NECAB1: variants seen among roughly 807,000 people sequenced by gnomAD.
The protein encoded by NECAB1 is N-terminal EF-hand calcium-binding protein 1.
NECAB1 carries 29 observed loss-of-function variants against 57.5 expected under a neutral mutation model. The observed-to-expected ratio is 0.50, with a 90% CI of 0.38 to 0.69. The LOEUF (loss-of-function observed/expected upper bound fraction) is 0.69. Ranked by LOEUF, NECAB1 falls within the 30% of genes least tolerant of loss-of-function variation. NECAB1 has a pLI of 0.00. For synonymous variants in NECAB1, 142 were observed against 147.7 expected, an observed-to-expected ratio of 0.96 and a Z score of 0.28; for missense variants, 372 against 413.8, an observed-to-expected ratio of 0.90 and a Z score of 0.88.
intron 5 of NECAB1, among the ~76,000 whole-genome samples, chr8:90,907,143 TGTGTGTGTGAGAGAGA>T (rs1437866454): frequency 9.4e-5 from 10 of 106,626 alleles, no homozygotes; most frequent in African/African-American, 3.1e-4. Context: ...TGTGTGTGTG[TGTGTGTGTGAGAGAGA>T]GAGAGAGAGA....
chr8:90,807,496 G>A (rs929378929), intron 2 of NECAB1, among the ~76,000 whole-genome samples: 6 of 152,150 alleles, frequency 3.9e-5, no homozygotes, highest in African/African-American at 9.7e-5. Flanking sequence ...CTGTGATTCT[G>A]TCTTTCGCAC....
chr8:90,864,230 G>C (rs1808462697), intron 3 of NECAB1, among the ~76,000 whole-genome samples: 1 of 149,762 alleles, frequency 6.7e-6, no homozygotes, highest in African/African-American at 2.5e-5. Context: ...TGAGACTCTG[G>C]AAGAGTTTCA....
chr8:90,887,389 T>C (rs1191159930), intron 5 of NECAB1, among the ~76,000 whole-genome samples: 1 of 152,244 alleles, frequency 6.6e-6, no homozygotes, highest in African/African-American at 2.4e-5. Context: ...ACAAGATCAT[T>C]TTCCACAAAA....
chr8:90,860,238 CTTT>C (rs34293565), intron 3 of NECAB1, among the ~76,000 whole-genome samples: 8 of 136,870 alleles, frequency 5.8e-5, no homozygotes, highest in Non-Finnish European at 6.3e-5. Context: ...TCTTTTTTTT[CTTT>C]TTTTTTTTTT....
intron 3 of NECAB1, among the ~76,000 whole-genome samples, chr8:90,865,458 T>G (rs1808495177): frequency 1.3e-5 from 2 of 152,130 alleles, no homozygotes; most frequent in Non-Finnish European, 2.9e-5. Flanking sequence ...GATACAAGTC[T>G]TCATAGCCCT....
At chr8:90,811,132 C>T (rs1438700320) in intron 2 of NECAB1, among the ~76,000 whole-genome samples, 1 of 151,786 alleles carries the variant, frequency 6.6e-6, no homozygotes, top group Non-Finnish European at 1.5e-5. Flanking sequence ...GGGTTTTGTT[C>T]AGCAGAGACA....
intron 3 of NECAB1, among the ~76,000 whole-genome samples, chr8:90,861,057 T>A (rs2129809814): frequency 6.6e-6 from 1 of 152,324 alleles, no homozygotes; most frequent in African/African-American, 2.4e-5. Context: ...AGAAGACACT[T>A]TTGCAGATTG....
intron 5 of NECAB1, among the ~76,000 whole-genome samples, chr8:90,911,761 C>CA (rs1809835868): frequency 1.3e-5 from 2 of 152,140 alleles, no homozygotes; most frequent in Non-Finnish European, 2.9e-5. Flanking sequence ...ATTATCACAG[C>CA]AAACAAACCC....
At position 90,958,069 on chromosome 8, in the gene NECAB1, T is replaced by C. The variant is rs201857409; in HGVS notation, c.*2557T>C. The C allele has an allele frequency of 1.7e-3, 256 of 149,758 alleles. 1 individual carries two copies. The highest frequency in any genetic ancestry group is 6.1e-3 in the African/African-American group (249 of 40,576). The allele number at this position is 149,758 out of a possible 1,614,324, so 9.3% of individuals were successfully genotyped here. A position where few individuals can be genotyped will look rare whatever the true frequency, so the allele number is the denominator to read the frequency against. On this transcript the variant is annotated 3_prime_UTR_variant, in exon 13 of 13. Coordinates refer to ENST00000417640, the MANE Select transcript of NECAB1 (RefSeq NM_022351.5). ...TTACTTACCTATATATCAGCAGATT[T>C]TTCTGGAAGAAACCCTTTTTTTTTT...
chr8:90,792,658 C>A (rs1375429287), intron 1 of NECAB1, among the ~76,000 whole-genome samples: 2 of 152,208 alleles, frequency 1.3e-5, no homozygotes, highest in East Asian at 3.9e-4. Flanking sequence ...TTTCTCACTT[C>A]GGTATCGACT....
At position 90,956,943 on chromosome 8, in the gene NECAB1, C is replaced by CAT. The variant is rs879218047; in HGVS notation, c.*1431_*1432insAT. The CAT allele has an allele frequency of 7.0e-6, 1 of 143,344 alleles. No homozygotes were observed. The highest frequency in any genetic ancestry group is 1.5e-5 in the Non-Finnish European group (1 of 65,248). The allele number at this position is 143,344 out of a possible 1,614,324, so 8.9% of individuals were successfully genotyped here. A position where few individuals can be genotyped will look rare whatever the true frequency, so the allele number is the denominator to read the frequency against. The stretch of plus-strand genomic sequence containing the variant: ...AATTTTGATATATTGTACATACACA[C>CAT]GTGTGTGTGTGTGTGTGTGTGTGTG... On this transcript the variant is annotated 3_prime_UTR_variant, in exon 13 of 13. Transcript: ENST00000417640.
At chr8:90,933,155 G>A (rs758518419) in intron 8 of NECAB1, among the ~76,000 whole-genome samples, 8 of 152,144 alleles carry the variant, frequency 5.3e-5, no homozygotes, top group Non-Finnish European at 1.2e-4. Flanking sequence ...CAACCACTAT[G>A]GAAAATAGTG....
At chr8:90,907,381 T>C (rs977773504) in intron 5 of NECAB1, among the ~76,000 whole-genome samples, 1 of 152,146 alleles carries the variant, frequency 6.6e-6, no homozygotes, top group Non-Finnish European at 1.5e-5. Context: ...CAGTCTCTTA[T>C]GTTACCCAGT....
At chr8:90,876,644 C>T (rs1195250819) in intron 4 of NECAB1, among the ~76,000 whole-genome samples, 1 of 151,990 alleles carries the variant, frequency 6.6e-6, no homozygotes, top group Non-Finnish European at 1.5e-5. Flanking sequence ...TGATTAAGTA[C>T]AGAAAGGCAG....
intron 3 of NECAB1, among the ~76,000 whole-genome samples, chr8:90,835,860 G>A (rs917599075): frequency 6.6e-6 from 1 of 152,180 alleles, no homozygotes; most frequent in African/African-American, 2.4e-5. Flanking sequence ...ATGTAAGAAA[G>A]GCGTGCAAAA....
chr8:90,858,496 T>C (rs1455703731), intron 3 of NECAB1, among the ~76,000 whole-genome samples: 1 of 152,112 alleles, frequency 6.6e-6, no homozygotes, highest in African/African-American at 2.4e-5. Flanking sequence ...AAACACTTCC[T>C]CATTGCCAGA....
At chr8:90,929,820 A>G (rs1344527594) in intron 8 of NECAB1, among the ~76,000 whole-genome samples, 1 of 152,212 alleles carries the variant, frequency 6.6e-6, no homozygotes, top group Admixed American at 6.5e-5. Context: ...AAGGGCATTC[A>G]GGTAAGGTGA....
chr8:90,857,244 A>G (rs1365473286), intron 3 of NECAB1, among the ~76,000 whole-genome samples: 1 of 152,188 alleles, frequency 6.6e-6, no homozygotes, highest in African/African-American at 2.4e-5. Flanking sequence ...ATGTTTGGGT[A>G]ACATAAGGCA....
chr8:90,907,149 T>TGAGA (rs1178039932), intron 5 of NECAB1, among the ~76,000 whole-genome samples: 2,950 of 106,830 alleles, frequency 0.028, 48 homozygotes, highest in Non-Finnish European at 0.036. Context: ...TGTGTGTGTG[T>TGAGA]GTGAGAGAGA....
Sources: gnomAD v4.1 joint callset for allele counts (sites outside exome capture counted in the v4.1 genomes callset) on GRCh38, gnomAD v4.1.1 for gene constraint, MANE v1.5 for transcripts, NCBI Gene and HGNC (gene_info 2026-07-23, HGNC 2026-07-21) for gene names.